Variants in ZFHX3 observed in about 807,000 individuals in gnomAD.
The protein encoded by ZFHX3 is zinc finger homeobox protein 3.
ZFHX3 carries 42 observed loss-of-function variants against 279.1 expected under a neutral mutation model. The ratio of observed to expected loss-of-function variants is 0.15; its 90% CI spans 0.12 to 0.19. The LOEUF (loss-of-function observed/expected upper bound fraction) is 0.19, where lower values mean the gene tolerates loss of function less well. Among genes scored for constraint, ZFHX3 ranks in the 10% least tolerant of loss-of-function variants. ZFHX3 has a pLI of 1.00. For synonymous variants in ZFHX3, 2,293 were observed against 1,957.8 expected, an observed-to-expected ratio of 1.17 and a Z score of -4.52; for missense variants, 4,981 against 4,754.0, an observed-to-expected ratio of 1.05 and a Z score of -1.40.
chr16:72,967,540 G>GA (rs1422729091), intron 1 of ZFHX3, among the ~76,000 whole-genome samples: 1 of 152,066 alleles, frequency 6.6e-6, no homozygotes, highest in Non-Finnish European at 1.5e-5. Context: ...TATGGAGTTA[G>GA]AAAATCACCA....
Position 73,073,186 on chromosome 16 carries a change from C to T in ZFHX3, c.-532-14174G>A, listed in dbSNP as rs1226875807. 2.6e-5 allele frequency among the ~76,000 whole-genome samples: 4 copies of T among 152,222 alleles called. No individual in the cohort carries two copies. In the East Asian group the frequency reaches 5.8e-4, roughly 22 times the overall value. ...TGCTAGGATTACAGGCGTGAGCTAC[C>T]GTGCCCAGCCTCCTATTACTTAAGA... On this transcript the variant is annotated intron_variant, in intron 8 of 17. Coordinates refer to the ZFHX3 transcript ENST00000641206.
chr16:73,579,135 C>A (rs902688858), intron 2 of ZFHX3, among the ~76,000 whole-genome samples: 2 of 152,242 alleles, frequency 1.3e-5, no homozygotes, highest in Non-Finnish European at 2.9e-5. Flanking sequence ...CTTCTCGTAA[C>A]CCAGACATCA....
chr16:73,632,408 T>C (rs536095535), intron 2 of ZFHX3, among the ~76,000 whole-genome samples: 1 of 152,028 alleles, frequency 6.6e-6, no homozygotes, highest in East Asian at 1.9e-4. Context: ...ATGAGCCGGG[T>C]GCGGTGGCTC....
At chr16:73,819,371 G>A (rs771864650) in intron 1 of ZFHX3, among the ~76,000 whole-genome samples, 116 of 150,998 alleles carry the variant, frequency 7.7e-4, no homozygotes, top group Non-Finnish European at 3.1e-4. Context: ...CAATGTGAGA[G>A]TCAAAAGTTA....
rs1428579834 is a variant in ZFHX3 at position 72,788,125 on chromosome 16, T to A, written c.10151A>T (p.Gln3384Leu). Residue 3384 changes from glutamine to leucine, a missense_variant, in exon 10 of 10, where the codon CAG becomes CTG. By Grantham distance (113) the Gln-to-Leu change is moderately radical. Transcript: ENST00000268489. ...CTGCACTTTTTGCTGCTGCTGCTGC[T>A]GTAGTTGCCGCTGCTGCTGCTGCTG... is the stretch of plus-strand genomic sequence containing the variant. ...AIQQQQQRQL[Q>L]QQQQQKVQQQ... 8.1e-6 allele frequency: 13 copies of A among 1,596,642 alleles called. No homozygotes were observed. Among genetic ancestry groups the A allele is most frequent in the Non-Finnish European group, 1.1e-5 (13 of 1,167,910 alleles).
chr16:73,078,025 G>A (rs779553210), intron 8 of ZFHX3, among the ~76,000 whole-genome samples: 7 of 152,098 alleles, frequency 4.6e-5, no homozygotes, highest in South Asian at 2.1e-4. Context: ...GGCTGGTCTC[G>A]AACTCCTGAC....
intron 5 of ZFHX3, among the ~76,000 whole-genome samples, chr16:73,236,952 C>A (rs2012968897): frequency 6.6e-6 from 1 of 152,196 alleles, no homozygotes; most frequent in Non-Finnish European, 1.5e-5. Context: ...GAAGGCTCCT[C>A]TTCTCACACA....
chr16:73,490,690 T>C (rs2019044236), intron 2 of ZFHX3, among the ~76,000 whole-genome samples: 1 of 151,902 alleles, frequency 6.6e-6, no homozygotes, highest in African/African-American at 2.4e-5. Flanking sequence ...ATACAAAAAT[T>C]AGCCAAGCGT....
chr16:73,879,751 T>A (rs779834768), intron 1 of ZFHX3, among the ~76,000 whole-genome samples: 30 of 152,220 alleles, frequency 2.0e-4, no homozygotes, highest in South Asian at 4.1e-4. Context: ...AGTGTTGACA[T>A]TTGGGGCCAG....
intron 4 of ZFHX3, among the ~76,000 whole-genome samples, chr16:73,261,692 T>TTTTTTTTTG (rs61577479): frequency 3.9e-5 from 5 of 128,826 alleles, no homozygotes; most frequent in Non-Finnish European, 8.3e-5. Context: ...TTTTTTTTTT[T>TTTTTTTTTG]AGGACAGAGT....
intron 3 of ZFHX3, among the ~76,000 whole-genome samples, chr16:73,448,684 ACGTG>A (rs1034864956): frequency 1.9e-3 from 130 of 66,892 alleles, no homozygotes; most frequent in African/African-American, 4.6e-3. Flanking sequence ...ATATTTATAT[ACGTG>A]TGTGTGTGTG....
intron 1 of ZFHX3, among the ~76,000 whole-genome samples, chr16:73,021,388 C>G (rs1206448723): frequency 6.6e-6 from 1 of 152,174 alleles, no homozygotes. Context: ...AAAATCTATC[C>G]AGAGGATAAG....
At chr16:73,536,037 A>G (rs1003123581) in intron 2 of ZFHX3, among the ~76,000 whole-genome samples, 4 of 152,010 alleles carry the variant, frequency 2.6e-5, no homozygotes, top group African/African-American at 9.7e-5. Context: ...CCCCATCTTT[A>G]ATACAAATTT....
chr16:73,804,871 CCA>C (rs1204365922), intron 1 of ZFHX3, among the ~76,000 whole-genome samples: 1 of 136,082 alleles, frequency 7.3e-6, no homozygotes, highest in Non-Finnish European at 1.5e-5. Flanking sequence ...ACTTAACACA[CCA>C]CACACACACA....
intron 6 of ZFHX3, among the ~76,000 whole-genome samples, chr16:73,137,111 T>G (rs1966809059): frequency 6.6e-6 from 1 of 152,166 alleles, no homozygotes; most frequent in Non-Finnish European, 1.5e-5. Context: ...ACTTTGATAT[T>G]TCAGCAATTC....
chr16:73,422,396 T>C (rs1400814259), intron 3 of ZFHX3, among the ~76,000 whole-genome samples: 2 of 152,212 alleles, frequency 1.3e-5, no homozygotes, highest in African/African-American at 2.4e-5. Flanking sequence ...TATTCTTTTT[T>C]AGTAATACCA....
At chr16:73,218,341 A>G (rs7500342) in intron 5 of ZFHX3, among the ~76,000 whole-genome samples, 2,274 of 152,334 alleles carry the variant, frequency 0.015, 49 homozygotes, top group African/African-American at 0.05. Context: ...AGTCTGTCCA[A>G]TGAAACTTCT....
At chr16:72,974,438 G>A (rs1962254259) in intron 1 of ZFHX3, among the ~76,000 whole-genome samples, 1 of 152,200 alleles carries the variant, frequency 6.6e-6, no homozygotes, top group Non-Finnish European at 1.5e-5. Context: ...CAAGGAGTGT[G>A]TTTTCCTCTC....
At chr16:72,861,407 A>G (rs2084797359) in intron 4 of ZFHX3, among the ~76,000 whole-genome samples, 1 of 152,158 alleles carries the variant, frequency 6.6e-6, no homozygotes, top group South Asian at 2.1e-4. Flanking sequence ...CCCAGACACA[A>G]GGACAAGCCC....
Sources: allele counts gnomAD v4.1 joint callset (sites outside exome capture counted in the v4.1 genomes callset), GRCh38; gene constraint gnomAD v4.1.1; transcripts MANE v1.5; gene names NCBI Gene and HGNC (gene_info 2026-07-23, HGNC 2026-07-21).